The following IMPACT variants were observed in gnomAD, a reference collection of about 807,000 sequenced individuals.
The protein encoded by IMPACT is protein IMPACT.
A neutral mutation model predicts 47.5 loss-of-function variants in IMPACT; 35 were observed. The observed-to-expected ratio is 0.74, with a 90% CI of 0.56 to 0.98. IMPACT has a LOEUF of 0.98. IMPACT is among the 50% of genes least tolerant of loss of function. The pLI is 0.00. For synonymous variants in IMPACT, 118 were observed against 125.6 expected (o/e 0.94, Z 0.40); for missense variants, 373 against 394.8 (o/e 0.94, Z 0.47).
At position 24,426,673 on chromosome 18, in the gene IMPACT, C is replaced by T; in HGVS notation, c.-84C>T. The T allele has an allele frequency of 2.8e-6, 3 of 1,060,258 alleles. No individual in the cohort carries two copies. Among genetic ancestry groups the T allele is most frequent in the Admixed American group, 8.6e-5 (2 of 23,228 alleles). The allele number at this position is 1,060,258 out of a possible 1,614,324, so 65.7% of individuals were successfully genotyped here. A position where few individuals can be genotyped will look rare whatever the true frequency, so the allele number is the denominator to read the frequency against. On this transcript the variant is annotated 5_prime_UTR_variant, in exon 1 of 11. Coordinates refer to ENST00000284202, the MANE Select transcript of IMPACT (RefSeq NM_018439.4). ...GTTCCGGGTCGGGCCGCGCCGCAGC[C>T]AGCTCTCGGCTCGCAGCCGCAGCGC...
In IMPACT at chr18:24,443,172, C is replaced by T; in HGVS notation, c.594+20C>T. On this transcript the variant is annotated intron_variant, in intron 7 of 10. Coordinates refer to ENST00000284202, the MANE Select transcript of IMPACT (RefSeq NM_018439.4). ...AAACAGGTAAAGTTCCTTTGTCTAG[C>T]TCACTTTGATGATTACTAAAATAAT... The T allele has an allele frequency of 8.1e-7, 1 of 1,230,140 alleles. No individual in the cohort carries two copies. The highest frequency in any genetic ancestry group is 1.5e-5 in the African/African-American group (1 of 65,728). 76.2% of individuals were successfully genotyped at this position (1,230,140 alleles called of 1,614,324 possible). A position where few individuals can be genotyped will look rare whatever the true frequency, so the allele number is the denominator to read the frequency against.
chr18:24,441,749 C>A (rs112308156), intron 6 of IMPACT, among the ~76,000 whole-genome samples: 9 of 152,130 alleles, frequency 5.9e-5, no homozygotes, highest in African/African-American at 2.2e-4. Context: ...TAGAAGGGAA[C>A]AAAGAGGAAA....
At chr18:24,434,770 A>AAC (rs1908860393) in intron 4 of IMPACT, among the ~76,000 whole-genome samples, 1 of 125,356 alleles carries the variant, frequency 8.0e-6, no homozygotes, top group African/African-American at 3.3e-5. Context: ...TCTCAAAAAA[A>AAC]AAAAAAATAT....
In IMPACT at chr18:24,450,887, T is replaced by C; in HGVS notation, c.*40T>C. 1 of 1,179,774 alleles carries C rather than the reference T, an allele frequency of 8.5e-7. No individual in the cohort carries two copies. The highest frequency in any genetic ancestry group is 1.3e-6 in the Non-Finnish European group (1 of 792,958). The allele number at this position is 1,179,774 out of a possible 1,614,324, so 73.1% of individuals were successfully genotyped here. On this transcript the variant is annotated 3_prime_UTR_variant, in exon 11 of 11. Transcript: ENST00000284202. ...GGAAAGGTTAATTTGCCTATAATTA[T>C]ATATACATTCCATAGTCATCAAGGA...
chr18:24,443,739 T>C (rs1303928592), intron 7 of IMPACT, among the ~76,000 whole-genome samples: 3 of 152,194 alleles, frequency 2.0e-5, no homozygotes, highest in African/African-American at 7.2e-5. Context: ...TTCTTGATCT[T>C]AGGTGACCAT....
intron 8 of IMPACT, among the ~76,000 whole-genome samples, chr18:24,446,336 G>T (rs1290439255): frequency 6.6e-6 from 1 of 152,160 alleles, no homozygotes; most frequent in Admixed American, 6.5e-5. Context: ...AAAGTGTTAG[G>T]ATTTACAGGT....
rs567452126 is a variant in IMPACT at position 24,431,216 on chromosome 18, G to A, written c.281+832G>A. 7.9e-5 allele frequency among the ~76,000 whole-genome samples: 12 copies of A among 152,262 alleles called. No homozygotes were observed. In the South Asian group the frequency reaches 1.9e-3, roughly 24 times the overall value. On this transcript the variant is annotated intron_variant, in intron 4 of 10. Transcript: ENST00000284202. ...TTGAAACAAGACCTGACATAGTCTC[G>A]GAGGTGAGGGATGGCTTGTTTGACT... is the stretch of plus-strand genomic sequence containing the variant.
In IMPACT at chr18:24,444,225, G is replaced by A. The variant is rs536024799; in HGVS notation, c.594+1073G>A. On this transcript the variant is annotated intron_variant, in intron 7 of 10. Transcript: ENST00000284202. ...TTCTAATTCTGAATCTGTTTATTCT[G>A]GATCCTCTTTCTGTTTCTGATCACA... is the stretch of plus-strand genomic sequence containing the variant. 7.9e-5 allele frequency among the ~76,000 whole-genome samples: 12 copies of A among 152,256 alleles called. No individual in the cohort carries two copies. The East Asian group carries it at 9.7e-4, about 12-fold the overall frequency.
At position 24,426,689 on chromosome 18, in the gene IMPACT, G is replaced by A; in HGVS notation, c.-68G>A. 8.6e-7 allele frequency: 1 copy of A among 1,166,406 alleles called. No individual in the cohort carries two copies. The highest frequency in any genetic ancestry group is 1.1e-6 in the Non-Finnish European group (1 of 926,898). 72.3% of individuals were successfully genotyped at this position (1,166,406 alleles called of 1,614,324 possible). A position where few individuals can be genotyped will look rare whatever the true frequency, so the allele number is the denominator to read the frequency against. ...CGCCGCAGCCAGCTCTCGGCTCGCA[G>A]CCGCAGCGCCCCGCCCCCGCGCTCC... On this transcript the variant is annotated 5_prime_UTR_variant, in exon 1 of 11. Transcript: ENST00000284202.
At chr18:24,443,922 AT>A (rs1266483993) in intron 7 of IMPACT, among the ~76,000 whole-genome samples, 3 of 152,182 alleles carry the variant, frequency 2.0e-5, no homozygotes, top group Non-Finnish European at 4.4e-5. Flanking sequence ...GTAAAGTTAC[AT>A]TTTTAAAAAT....
chr18:24,433,951 G>A (rs972180607), intron 4 of IMPACT, among the ~76,000 whole-genome samples: 1 of 152,026 alleles, frequency 6.6e-6, no homozygotes. Flanking sequence ...GATTACAGGC[G>A]TGAGCCACCA....
intron 2 of IMPACT, 140 bp from the exon 3 acceptor site, chr18:24,428,729 T>TATA: frequency 1.7e-6 from 1 of 588,810 alleles, no homozygotes; most frequent in South Asian, 2.3e-5. Flanking sequence ...GGGGTCAGGG[T>TATA]ATAATGTCCA....
chr18:24,436,689 C>T (rs1014560345), intron 4 of IMPACT, among the ~76,000 whole-genome samples: 2 of 152,112 alleles, frequency 1.3e-5, no homozygotes, highest in Admixed American at 1.3e-4. Context: ...GCTGGTATTA[C>T]AGGCACGCAC....
intron 5 of IMPACT, 132 bp downstream of exon 5, chr18:24,438,172 T>A: frequency 1.9e-6 from 1 of 525,856 alleles, no homozygotes; most frequent in Non-Finnish European, 3.4e-6. Flanking sequence ...AATACAAGTT[T>A]CTCTGAAAAG....
At position 24,429,344 on chromosome 18, in the gene IMPACT, C is replaced by T. The variant is rs568404869; in HGVS notation, c.218+423C>T. Among the ~76,000 whole-genome samples, 13 of 152,266 alleles carry T rather than the reference C, an allele frequency of 8.5e-5. No homozygotes were observed. In the South Asian group the frequency reaches 2.3e-3, roughly 27 times the overall value. On this transcript the variant is annotated intron_variant, in intron 3 of 10. Transcript: ENST00000284202. ...TGGTGTTTCTCCCTGCCCCTTTCCC[C>T]GTTGATGTTGACGAACCATCTTCTT...
intron 6 of IMPACT, among the ~76,000 whole-genome samples, chr18:24,440,828 CT>C (rs1387643539): frequency 5.3e-5 from 8 of 152,214 alleles, no homozygotes; most frequent in African/African-American, 1.9e-4. Context: ...GAAATTTACT[CT>C]TTTCCCCCTA....
In IMPACT at chr18:24,428,994, G is replaced by A. The variant is rs73398254; in HGVS notation, c.218+73G>A. The A allele has an allele frequency of 2.7e-3, 2,810 of 1,050,828 alleles. 50 individuals are homozygous for A. In the African/African-American group the frequency reaches 0.042, roughly 16 times the overall value. 65.1% of individuals were successfully genotyped at this position (1,050,828 alleles called of 1,614,324 possible). On this transcript the variant is annotated intron_variant, in intron 3 of 10. Transcript: ENST00000284202. ...GAAAGATGTTTATACTGTACTTTGC[G>A]TTTACATAAAATACCTTTCTTATTA...
intron 8 of IMPACT, among the ~76,000 whole-genome samples, chr18:24,447,295 G>C (rs1422978417): frequency 3.3e-5 from 5 of 152,204 alleles, no homozygotes; most frequent in African/African-American, 1.2e-4. Context: ...GCCAGAGCTG[G>C]GAGGATGTCT....
At chr18:24,437,865 T>C in intron 4 of IMPACT, 90 bp from the exon 5 acceptor site, 2 of 688,078 alleles carry the variant, frequency 2.9e-6, no homozygotes, top group Non-Finnish European at 5.2e-6. Context: ...TTGTTTATAA[T>C]GTCTTGGATT....
Sources: allele counts gnomAD v4.1 joint callset (sites outside exome capture counted in the v4.1 genomes callset), GRCh38; gene constraint gnomAD v4.1.1; transcripts MANE v1.5; gene names NCBI Gene and HGNC (gene_info 2026-07-23, HGNC 2026-07-21).